The following ARID4A variants were observed in gnomAD, a reference collection of about 807,000 sequenced individuals.
ARID4A encodes the protein AT-rich interactive domain-containing protein 4A.
A neutral mutation model predicts 148.6 loss-of-function variants in ARID4A; 39 were observed. That is an observed-to-expected ratio of 0.26 (90% CI 0.20 to 0.34). The LOEUF (loss-of-function observed/expected upper bound fraction) is 0.34. Among genes scored for constraint, ARID4A ranks in the 10% least tolerant of loss-of-function variants. The pLI, the probability that ARID4A is intolerant of heterozygous loss-of-function variation, is 1.00. For synonymous variants in ARID4A, 475 were observed against 481.2 expected, an observed-to-expected ratio of 0.99 and a Z score of 0.17; for missense variants, 1,265 against 1,449.1, an observed-to-expected ratio of 0.87 and a Z score of 2.06.
Position 58,373,083 on chromosome 14 carries a change from T to G in ARID4A, c.*1094T>G. On this transcript the variant is annotated 3_prime_UTR_variant, in exon 24 of 24. Transcript: ENST00000355431. Reference sequence around the variant, plus strand: ...TAAATGGGCATCTGGATCATTAAAGTATGTCCTTGTTTAGAAACTTTGGCA... The same window carrying G: ...TAAATGGGCATCTGGATCATTAAAGGATGTCCTTGTTTAGAAACTTTGGCA... 5.0e-6 allele frequency: 1 copy of G among 198,814 alleles called. No individual in the cohort carries two copies. The highest frequency in any genetic ancestry group is 1.0e-5 in the Non-Finnish European group (1 of 96,014). 12.3% of individuals were successfully genotyped at this position (198,814 alleles called of 1,614,324 possible).
intron 5 of ARID4A, among the ~76,000 whole-genome samples, chr14:58,314,988 G>A (rs1480521849): frequency 1.2e-4 from 18 of 152,072 alleles, no homozygotes; most frequent in South Asian, 8.3e-4. Flanking sequence ...GCCTGGTGAC[G>A]TGCACCTGTA....
intron 11 of ARID4A, among the ~76,000 whole-genome samples, chr14:58,333,036 A>C (rs1169911301): frequency 6.6e-6 from 1 of 152,126 alleles, no homozygotes; most frequent in South Asian, 2.1e-4. Flanking sequence ...TTTACATGAA[A>C]GAGCACCTTT....
chr14:58,358,401 A>C (rs1398607388), intron 17 of ARID4A, among the ~76,000 whole-genome samples: 1 of 152,182 alleles, frequency 6.6e-6, no homozygotes, highest in Non-Finnish European at 1.5e-5. Flanking sequence ...CAGGAGGCAG[A>C]GGTTCCATTG....
At chr14:58,312,884 A>G (rs928508178) in intron 5 of ARID4A, among the ~76,000 whole-genome samples, 16 of 152,220 alleles carry the variant, frequency 1.1e-4, no homozygotes, top group Non-Finnish European at 2.2e-4. Context: ...AGTGATAGCC[A>G]ATTATATTTA....
intron 18 of ARID4A, among the ~76,000 whole-genome samples, chr14:58,359,939 G>A (rs897946474): frequency 2.6e-5 from 4 of 152,054 alleles, no homozygotes; most frequent in Admixed American, 6.6e-5. Context: ...GGTGGCCGGC[G>A]CCTGTAGTCC....
Position 58,365,338 on chromosome 14 carries a change from A to C in ARID4A, c.3211+38A>C, listed in dbSNP as rs1384066713. ...TAGGGAAAAGTAAGTGTTTATATGAAACCAAAAATCAAAACTGTTGAGTTT... is the reference window on the plus strand; with the variant it reads ...TAGGGAAAAGTAAGTGTTTATATGACACCAAAAATCAAAACTGTTGAGTTT... On this transcript the variant is annotated intron_variant, in intron 20 of 23. Transcript: ENST00000355431. 4 of 1,555,286 alleles carry C rather than the reference A, an allele frequency of 2.6e-6. No homozygotes were observed. The South Asian group carries it at 5.0e-5, about 19-fold the overall frequency.
At chr14:58,311,824 A>C (rs2032054907) in intron 5 of ARID4A, among the ~76,000 whole-genome samples, 1 of 151,996 alleles carries the variant, frequency 6.6e-6, no homozygotes, top group African/African-American at 2.4e-5. Flanking sequence ...GCCAAGTGAA[A>C]TAAGCCAGGC....
intron 5 of ARID4A, among the ~76,000 whole-genome samples, chr14:58,306,793 C>T (rs1313491991): frequency 1.3e-5 from 2 of 152,110 alleles, no homozygotes; most frequent in Admixed American, 6.5e-5. Flanking sequence ...GCAGGAGAAT[C>T]GCTTGAACCT....
intron 21 of ARID4A, 88 bp from the exon 22 acceptor site, chr14:58,365,936 A>G (rs1315812005): frequency 3.5e-6 from 4 of 1,145,254 alleles, no homozygotes; most frequent in Non-Finnish European, 5.0e-6. Context: ...TCTGTAGGAT[A>G]CCAAGAAATG....
intron 8 of ARID4A, among the ~76,000 whole-genome samples, 173 bp from the exon 9 acceptor site, chr14:58,328,064 G>C (rs962612407): frequency 2.6e-5 from 4 of 152,076 alleles, no homozygotes; most frequent in Non-Finnish European, 5.9e-5. Flanking sequence ...ACATATAAGG[G>C]TATATTTTTT....
intron 11 of ARID4A, among the ~76,000 whole-genome samples, chr14:58,340,220 T>C (rs954797947): frequency 1.3e-5 from 2 of 151,692 alleles, no homozygotes; most frequent in Non-Finnish European, 3.0e-5. Context: ...TCTTTTTTTT[T>C]CTACTTCTTC....
At chr14:58,329,760 A>G (rs1415033954) in intron 10 of ARID4A, among the ~76,000 whole-genome samples, 156 bp downstream of exon 10, 1 of 152,096 alleles carries the variant, frequency 6.6e-6, no homozygotes, top group Non-Finnish European at 1.5e-5. Context: ...TAGATACAAT[A>G]TTTGATTTGT....
At chr14:58,301,766 G>A in intron 3 of ARID4A, 76 bp downstream of exon 3, 1 of 999,394 alleles carries the variant, frequency 1.0e-6, no homozygotes, top group East Asian at 2.6e-5. Flanking sequence ...CTGCAAATCA[G>A]CATTTTATTG....
At chr14:58,308,501 G>A (rs2031777690) in intron 5 of ARID4A, among the ~76,000 whole-genome samples, 1 of 152,184 alleles carries the variant, frequency 6.6e-6, no homozygotes, top group South Asian at 2.1e-4. Flanking sequence ...CGTGCATGAA[G>A]GAAATTCATA....
At chr14:58,365,737 T>A in intron 21 of ARID4A, 115 bp downstream of exon 21, 1 of 931,588 alleles carries the variant, frequency 1.1e-6, no homozygotes, top group Non-Finnish European at 1.6e-6. Flanking sequence ...CATTTTCATT[T>A]AACAGTATTA....
intron 3 of ARID4A, 31 bp from the exon 4 acceptor site, chr14:58,304,913 T>C (rs957417149): frequency 6.4e-7 from 1 of 1,552,040 alleles, no homozygotes; most frequent in African/African-American, 1.4e-5. Context: ...TTAAAAGTAA[T>C]ATGCAAATTA....
rs1333269136 is a variant in ARID4A at position 58,306,015 on chromosome 14, A to C, written c.184-7A>C. On this transcript the variant is annotated splice_region_variant and splice_polypyrimidine_tract_variant and intron_variant, in intron 4 of 23. Coordinates refer to ENST00000355431, the MANE Select transcript of ARID4A (RefSeq NM_002892.4). Reference sequence around the variant, plus strand: ...TTTGGTAAGGAAATTGGGATTTCACATTTTAGGTTGGAGCTATTGTTGAAA... The same window carrying C: ...TTTGGTAAGGAAATTGGGATTTCACCTTTTAGGTTGGAGCTATTGTTGAAA... 1 of 1,611,836 alleles carries C rather than the reference A, an allele frequency of 6.2e-7. No individual in the cohort carries two copies. Among genetic ancestry groups the C allele is most frequent in the Admixed American group, 1.7e-5 (1 of 59,912 alleles).
At chr14:58,331,242 T>C (rs1260648978) in intron 11 of ARID4A, 2 of 152,220 alleles carry the variant, frequency 1.3e-5, no homozygotes, top group Non-Finnish European at 2.9e-5. Flanking sequence ...TAAGTGAGCA[T>C]GCTCGGAAAG....
At chr14:58,304,178 T>C (rs1566664241) in intron 3 of ARID4A, among the ~76,000 whole-genome samples, 1 of 152,172 alleles carries the variant, frequency 6.6e-6, no homozygotes, top group Non-Finnish European at 1.5e-5. Flanking sequence ...AACCTTCAAG[T>C]ATTAGGATAG....
Sources: allele counts gnomAD v4.1 joint callset (sites outside exome capture counted in the v4.1 genomes callset), GRCh38; gene constraint gnomAD v4.1.1; transcripts MANE v1.5; gene names NCBI Gene and HGNC (gene_info 2026-07-23, HGNC 2026-07-21).